Variants in ITPR2 observed in about 807,000 individuals in gnomAD.
ITPR2 encodes the protein inositol 1,4,5-trisphosphate receptor type 2, also known as inositol 1,4,5-trisphosphate-gated calcium channel ITPR2.
ITPR2 carries 207 observed loss-of-function variants against 317.1 expected under a neutral mutation model. That is an observed-to-expected ratio of 0.65 (90% CI 0.58 to 0.73). The LOEUF (loss-of-function observed/expected upper bound fraction) is 0.73. Among genes scored for constraint, ITPR2 ranks in the 30% least tolerant of loss-of-function variants. The pLI is 0.00. For synonymous variants in ITPR2, 1,156 were observed against 1,149.1 expected, an observed-to-expected ratio of 1.01 and a Z score of -0.12; for missense variants, 2,613 against 3,284.0, an observed-to-expected ratio of 0.80 and a Z score of 4.99.
At chr12:26,735,024 G>T (rs914102612) in intron 2 of ITPR2, among the ~76,000 whole-genome samples, 1 of 135,752 alleles carries the variant, frequency 7.4e-6, no homozygotes, top group Admixed American at 7.9e-5. Flanking sequence ...TTTTGAGATG[G>T]AGTTTCGCTC....
At chr12:26,444,275 C>T in intron 45 of ITPR2, among the ~76,000 whole-genome samples, 1 of 152,142 alleles carries the variant, frequency 6.6e-6, no homozygotes, top group South Asian at 2.1e-4. Context: ...TGAATGTCTA[C>T]AGCATGTGTT....
At chr12:26,710,181 C>T (rs1592059773) in intron 9 of ITPR2, among the ~76,000 whole-genome samples, 1 of 152,314 alleles carries the variant, frequency 6.6e-6, no homozygotes, top group Non-Finnish European at 1.5e-5. Context: ...TTGAGTGCAT[C>T]ACGGCACTCC....
At chr12:26,365,380 T>C (rs1221321494) in intron 55 of ITPR2, among the ~76,000 whole-genome samples, 6 of 152,204 alleles carry the variant, frequency 3.9e-5, no homozygotes, top group Non-Finnish European at 8.8e-5. Flanking sequence ...TACATGACTC[T>C]TTTTTTCTTT....
rs903987260 is a variant in ITPR2 at position 26,336,987 on chromosome 12, T to TC, written c.*2409_*2410insG. ...CTTCGATTTTTTGTTGCTGTTTTTT[T>TC]TTTTTTTGCTTTATAATTTCTAAGC... On this transcript the variant is annotated 3_prime_UTR_variant, in exon 57 of 57. Coordinates refer to ENST00000381340, the MANE Select transcript of ITPR2 (RefSeq NM_002223.4). 2.0e-5 allele frequency: 3 copies of TC among 151,036 alleles called. No individual in the cohort carries two copies. Among genetic ancestry groups the TC allele is most frequent in the African/African-American group, 7.3e-5 (3 of 41,276 alleles). 9.4% of individuals were successfully genotyped at this position (151,036 alleles called of 1,614,324 possible). A position where few individuals can be genotyped will look rare whatever the true frequency, so the allele number is the denominator to read the frequency against.
At chr12:26,659,742 T>C (rs1318689290) in intron 15 of ITPR2, among the ~76,000 whole-genome samples, 1 of 152,214 alleles carries the variant, frequency 6.6e-6, no homozygotes, top group Admixed American at 6.5e-5. Flanking sequence ...TCATAGCCAA[T>C]GATTTGGGCA....
At chr12:26,668,128 C>T (rs543391478) in intron 13 of ITPR2, among the ~76,000 whole-genome samples, 10 of 152,234 alleles carry the variant, frequency 6.6e-5, no homozygotes, top group Non-Finnish European at 1.5e-4. Flanking sequence ...GTAGCTCCTA[C>T]TAGCTCACGC....
At chr12:26,772,741 C>A (rs1324131609) in intron 2 of ITPR2, among the ~76,000 whole-genome samples, 1 of 148,314 alleles carries the variant, frequency 6.7e-6, no homozygotes, top group Non-Finnish European at 1.5e-5. Context: ...CTTTTTTTTT[C>A]TTTTTCTTTT....
chr12:26,513,748 TCACA>T (rs3056894), intron 37 of ITPR2, among the ~76,000 whole-genome samples: 17,609 of 149,328 alleles, frequency 0.12, 1,295 homozygotes, highest in Non-Finnish European at 0.17. Flanking sequence ...TTGCCAATTA[TCACA>T]CACACACACA....
At position 26,338,444 on chromosome 12, in the gene ITPR2, T is replaced by C. The variant is rs1228068075; in HGVS notation, c.*953A>G. On this transcript the variant is annotated 3_prime_UTR_variant, in exon 57 of 57. Transcript: ENST00000381340. ...TAAAAACGCTCGGGTCCTGAAGCAA[T>C]TCTTTAAGCACAGCAAACGTTGAGT... 6.6e-6 allele frequency: 1 copy of C among 152,644 alleles called. No homozygotes were observed. Among genetic ancestry groups the C allele is most frequent in the Non-Finnish European group, 1.5e-5 (1 of 68,038 alleles). The allele number at this position is 152,644 out of a possible 1,614,324, so 9.5% of individuals were successfully genotyped here.
chr12:26,645,340 C>T (rs370237351), intron 21 of ITPR2, among the ~76,000 whole-genome samples: 2 of 152,198 alleles, frequency 1.3e-5, no homozygotes, highest in Non-Finnish European at 2.9e-5. Context: ...GGAAACCTAC[C>T]ACTGTGGATG....
chr12:26,682,427 G>C (rs972284748), intron 12 of ITPR2, 147 bp downstream of exon 12: 3 of 605,262 alleles, frequency 5.0e-6, no homozygotes, highest in Non-Finnish European at 5.8e-6. Flanking sequence ...GCAACTGGCA[G>C]ACATGCATGC....
intron 36 of ITPR2, among the ~76,000 whole-genome samples, chr12:26,555,462 G>A (rs188823677): frequency 8.5e-5 from 13 of 152,168 alleles, no homozygotes; most frequent in Admixed American, 5.9e-4. Context: ...GACGACCTGC[G>A]GATCCCCCTC....
At chr12:26,794,388 G>T (rs751441311) in intron 1 of ITPR2, among the ~76,000 whole-genome samples, 2 of 152,086 alleles carry the variant, frequency 1.3e-5, no homozygotes, top group Non-Finnish European at 1.5e-5. Flanking sequence ...AAAATGCATC[G>T]TTTTCTTATC....
At chr12:26,729,892 C>T (rs946952356) in intron 2 of ITPR2, among the ~76,000 whole-genome samples, 7 of 151,956 alleles carry the variant, frequency 4.6e-5, no homozygotes, top group African/African-American at 1.7e-4. Flanking sequence ...ATAATCTGTA[C>T]AACAAACCCC....
intron 45 of ITPR2, among the ~76,000 whole-genome samples, chr12:26,448,218 T>A (rs1488000613): frequency 4.6e-5 from 7 of 152,052 alleles, no homozygotes; most frequent in Non-Finnish European, 7.4e-5. Context: ...TATCCAACTT[T>A]ACTATTGACA....
intron 55 of ITPR2, among the ~76,000 whole-genome samples, chr12:26,353,900 A>G (rs1200407020): frequency 2.6e-5 from 4 of 152,200 alleles, no homozygotes; most frequent in Admixed American, 2.6e-4. Context: ...ACTATACCTG[A>G]GAACCTAAAG....
chr12:26,362,701 A>T (rs2136581847), intron 55 of ITPR2, among the ~76,000 whole-genome samples: 2 of 152,188 alleles, frequency 1.3e-5, no homozygotes, highest in South Asian at 4.1e-4. Flanking sequence ...ATCAAATCTG[A>T]CGTTCTTGGT....
At position 26,831,917 on chromosome 12, in the gene ITPR2, GTA is replaced by G. The variant is rs372665386; in HGVS notation, c.92+771_92+772del. Among the ~76,000 whole-genome samples, 4 of 143,722 alleles carry G rather than the reference GTA, an allele frequency of 2.8e-5. No homozygotes were observed. Among genetic ancestry groups the G allele is most frequent in the African/African-American group, 7.7e-5 (3 of 38,836 alleles). 94.3% of individuals were successfully genotyped at this position (143,722 alleles called of 152,430 possible). ...TTCATAAACATATATACATATATGT[GTA>G]TATATATATATATTTTTCCCCCCAT... On this transcript the variant is annotated intron_variant, in intron 1 of 56. Coordinates refer to ENST00000381340, the MANE Select transcript of ITPR2 (RefSeq NM_002223.4). The surrounding 1 kb of genome is among the most constrained non-coding windows in gnomAD (Gnocchi z 4.9).
chr12:26,719,760 C>A (rs1334289131), intron 5 of ITPR2, among the ~76,000 whole-genome samples: 1 of 152,166 alleles, frequency 6.6e-6, no homozygotes, highest in Non-Finnish European at 1.5e-5. Context: ...CCGCTCTCCC[C>A]ACCCCACAAC....
Sources: gnomAD v4.1 joint callset for allele counts (sites outside exome capture counted in the v4.1 genomes callset) on GRCh38, gnomAD v4.1.1 for gene constraint, Gnocchi (gnomAD v3.1) non-coding constraint, MANE v1.5 for transcripts, NCBI Gene and HGNC (gene_info 2026-07-23, HGNC 2026-07-21) for gene names.